Variants in LUZP2 observed in about 807,000 individuals in gnomAD.
LUZP2 encodes the protein leucine zipper protein 2.
In LUZP2, 52 loss-of-function variants were observed where a neutral mutation model predicts 51.6. That is an observed-to-expected ratio of 1.01 (90% CI 0.81 to 1.27). The LOEUF is 1.27. Among genes scored for constraint, LUZP2 ranks in the 50% most tolerant of loss-of-function variants. The pLI is 0.00. For missense variants in LUZP2, 436 were observed against 395.4 expected, an observed-to-expected ratio of 1.10 and a Z score of -0.87; for synonymous variants, 154 against 137.3, an observed-to-expected ratio of 1.12 and a Z score of -0.85.
At chr11:24,974,944 A>G (rs887088398) in intron 7 of LUZP2, among the ~76,000 whole-genome samples, 7 of 152,058 alleles carry the variant, frequency 4.6e-5, no homozygotes, top group African/African-American at 1.7e-4. Context: ...AAATGTGCAT[A>G]TGTGAGTTGC....
intron 9 of LUZP2, among the ~76,000 whole-genome samples, chr11:25,043,340 A>T (rs1858135528): frequency 6.6e-6 from 1 of 152,134 alleles, no homozygotes; most frequent in African/African-American, 2.4e-5. Context: ...ACAGTGGTCA[A>T]TCTTTTTTTA....
At chr11:25,010,787 C>T (rs958625778) in intron 9 of LUZP2, among the ~76,000 whole-genome samples, 2 of 152,042 alleles carry the variant, frequency 1.3e-5, no homozygotes, top group African/African-American at 4.8e-5. Flanking sequence ...GGGGAGGTTG[C>T]AGTGAGCCAA....
At chr11:24,645,915 C>T (rs1279123445) in intron 1 of LUZP2, among the ~76,000 whole-genome samples, 1 of 151,358 alleles carries the variant, frequency 6.6e-6, no homozygotes, top group Non-Finnish European at 1.5e-5. Context: ...TTCATTAATC[C>T]TTGTGGAATC....
At position 24,883,005 on chromosome 11, in the gene LUZP2, G is replaced by T. The variant is rs557943977; in HGVS notation, c.397-22986G>T. Among the ~76,000 whole-genome samples, 14 of 151,150 alleles carry T rather than the reference G, an allele frequency of 9.3e-5. No homozygotes were observed. The South Asian group carries it at 2.5e-3, about 27-fold the overall frequency. On this transcript the variant is annotated intron_variant, in intron 5 of 11. Transcript: ENST00000336930. ...AAGGAAGGAAGGAAAGAAAAGAAAAGAAAAGAGAAAAAAAGAAAAGAGAAG... is the reference window on the plus strand; with the variant it reads ...AAGGAAGGAAGGAAAGAAAAGAAAATAAAAGAGAAAAAAAGAAAAGAGAAG...
rs564120202 is a variant in LUZP2, at chr11:24,982,610, A to C, written c.598-516A>C. Among the ~76,000 whole-genome samples, 3 of 151,838 alleles carry C rather than the reference A, an allele frequency of 2.0e-5. No homozygotes were observed. The South Asian group carries it at 6.2e-4, about 31-fold the overall frequency. ...GATGCTGGGGTCTACTTGAGGGTGG[A>C]GGATGAGAGAAGGGAGAAGAGTAGA... On this transcript the variant is annotated intron_variant, in intron 8 of 11. Transcript: ENST00000336930.
intron 7 of LUZP2, among the ~76,000 whole-genome samples, chr11:24,926,249 A>G (rs1400929329): frequency 2.0e-5 from 3 of 146,760 alleles, no homozygotes; most frequent in Non-Finnish European, 3.0e-5. Context: ...GTGTGTATAT[A>G]TATACGTGTG....
intron 1 of LUZP2, among the ~76,000 whole-genome samples, chr11:24,630,794 G>A (rs140504510): frequency 2.5e-4 from 38 of 151,566 alleles, no homozygotes; most frequent in East Asian, 1.9e-3. Context: ...TGAGTAGAGC[G>A]GTTATTTTAA....
At chr11:25,051,291 T>C (rs1858502495) in intron 10 of LUZP2, among the ~76,000 whole-genome samples, 1 of 150,348 alleles carries the variant, frequency 6.7e-6, no homozygotes. Flanking sequence ...CACTCCTGCC[T>C]GGGCGACAGA....
chr11:24,737,717 TAA>T (rs979646863), intron 3 of LUZP2, among the ~76,000 whole-genome samples: 1 of 152,106 alleles, frequency 6.6e-6, no homozygotes, highest in Admixed American at 6.6e-5. Flanking sequence ...TAAGTTAAAA[TAA>T]GTTTCTTTTC....
At chr11:24,637,445 A>G (rs1855142599) in intron 1 of LUZP2, among the ~76,000 whole-genome samples, 1 of 151,790 alleles carries the variant, frequency 6.6e-6, no homozygotes, top group South Asian at 2.1e-4. Context: ...AATAACAGCT[A>G]TTTTCAGAGA....
At chr11:24,582,625 C>T (rs1852908250) in intron 1 of LUZP2, among the ~76,000 whole-genome samples, 1 of 151,986 alleles carries the variant, frequency 6.6e-6, no homozygotes, top group African/African-American at 2.4e-5. Context: ...TCATCTAAAA[C>T]CTTATAAGTG....
chr11:24,550,190 TG>T (rs1213170087), intron 1 of LUZP2, among the ~76,000 whole-genome samples: 1 of 152,066 alleles, frequency 6.6e-6, no homozygotes, highest in African/African-American at 2.4e-5. Context: ...TGATACTAAT[TG>T]CTATAAATGT....
At chr11:24,650,177 C>G (rs949321657) in intron 1 of LUZP2, among the ~76,000 whole-genome samples, 1 of 151,872 alleles carries the variant, frequency 6.6e-6, no homozygotes, top group Admixed American at 6.6e-5. Flanking sequence ...ACATGCTGTA[C>G]ACAGATTTTT....
At chr11:24,921,023 T>A (rs1438881749) in intron 7 of LUZP2, among the ~76,000 whole-genome samples, 2 of 152,124 alleles carry the variant, frequency 1.3e-5, no homozygotes, top group African/African-American at 4.8e-5. Context: ...ATACAATATT[T>A]ACATAGCACT....
chr11:24,904,810 G>A (rs1377349427), intron 5 of LUZP2, among the ~76,000 whole-genome samples: 1 of 151,984 alleles, frequency 6.6e-6, no homozygotes, highest in Non-Finnish European at 1.5e-5. Context: ...TCTAATTAAA[G>A]TATATAAAGT....
chr11:24,626,010 A>C (rs918536093), intron 1 of LUZP2, among the ~76,000 whole-genome samples: 1 of 152,178 alleles, frequency 6.6e-6, no homozygotes, highest in African/African-American at 2.4e-5. Flanking sequence ...AAGGGCTGCC[A>C]CTTACTAACT....
At chr11:24,882,253 A>G (rs1398509721) in intron 5 of LUZP2, among the ~76,000 whole-genome samples, 1 of 152,014 alleles carries the variant, frequency 6.6e-6, no homozygotes, top group Non-Finnish European at 1.5e-5. Context: ...AGAATTTTTT[A>G]AAGTTCACAA....
intron 10 of LUZP2, among the ~76,000 whole-genome samples, chr11:25,050,406 G>GC (rs1326350512): frequency 7.2e-6 from 1 of 139,252 alleles, no homozygotes; most frequent in Non-Finnish European, 1.5e-5. Context: ...CCGGGTTCAC[G>GC]CCATTCTCCT....
At chr11:24,595,467 C>T (rs886693886) in intron 1 of LUZP2, among the ~76,000 whole-genome samples, 3 of 152,098 alleles carry the variant, frequency 2.0e-5, no homozygotes, top group Admixed American at 6.5e-5. Context: ...GGGGGCAAAG[C>T]GCTCTATGAG....
Sources: gnomAD v4.1 joint callset for allele counts (sites outside exome capture counted in the v4.1 genomes callset) on GRCh38, gnomAD v4.1.1 for gene constraint, MANE v1.5 for transcripts, NCBI Gene and HGNC (gene_info 2026-07-23, HGNC 2026-07-21) for gene names.